UPF2: variants seen among roughly 807,000 people sequenced by gnomAD.
UPF2 encodes UPF2 regulator of nonsense mediated mRNA decay, also known as regulator of nonsense transcripts 2.
Under a neutral mutation model 141.4 loss-of-function variants are expected in UPF2, and 17 were observed. That is an observed-to-expected ratio of 0.12 (90% confidence interval 0.08 to 0.18). The LOEUF is 0.18. Among genes scored for constraint, UPF2 ranks in the 10% least tolerant of loss-of-function variants. The pLI, the probability that UPF2 is intolerant of heterozygous loss-of-function variation, is 1.00. For missense variants in UPF2, 1,152 were observed against 1,515.9 expected (o/e 0.76, Z 3.99); for synonymous variants, 540 against 498.0 (o/e 1.08, Z -1.12).
intron 2 of UPF2, among the ~76,000 whole-genome samples, chr10:12,033,280 A>T (rs1459264404): frequency 6.6e-6 from 1 of 152,126 alleles, no homozygotes; most frequent in Non-Finnish European, 1.5e-5. Context: ...TCATGCCTGT[A>T]ATCTCAACAC....
In UPF2 at chr10:11,999,889, C is replaced by T; in HGVS notation, c.1758+17G>A. On this transcript the variant is annotated intron_variant, in intron 7 of 21. Transcript: ENST00000357604. Reference sequence around the variant, plus strand: ...AGGTCCATGTGCTTGAATAAAGTTACACAGAGATACCAATACCTTGTCTAT... The same window carrying T: ...AGGTCCATGTGCTTGAATAAAGTTATACAGAGATACCAATACCTTGTCTAT... 1 of 1,604,462 alleles carries T rather than the reference C, an allele frequency of 6.2e-7. No individual in the cohort carries two copies. The highest frequency in any genetic ancestry group is 2.2e-5 in the East Asian group (1 of 44,794).
At chr10:12,002,829 T>C (rs1263402287) in intron 5 of UPF2, among the ~76,000 whole-genome samples, 1 of 152,222 alleles carries the variant, frequency 6.6e-6, no homozygotes, top group Non-Finnish European at 1.5e-5. Context: ...AGCCTTCTTT[T>C]GTGTTTTCGC....
At chr10:11,965,924 GA>G (rs1289322481) in intron 10 of UPF2, among the ~76,000 whole-genome samples, 4 of 151,906 alleles carry the variant, frequency 2.6e-5, no homozygotes, top group African/African-American at 9.7e-5. Flanking sequence ...ATTTGTTATA[GA>G]AAAAAACAAC....
Position 11,936,819 on chromosome 10 carries a change from T to C in UPF2, c.3379-107A>G. 9.2e-7 allele frequency: 1 copy of C among 1,085,942 alleles called. No individual in the cohort carries two copies. Among genetic ancestry groups the C allele is most frequent in the Non-Finnish European group, 1.3e-6 (1 of 794,110 alleles). 67.3% of individuals were successfully genotyped at this position (1,085,942 alleles called of 1,614,324 possible). Reference sequence around the variant, plus strand: ...TGCTGTATTTCTTAAAACACAACAATCATAAGAGCCATAACAGTCAACAAT... The same window carrying C: ...TGCTGTATTTCTTAAAACACAACAACCATAAGAGCCATAACAGTCAACAAT... On this transcript the variant is annotated intron_variant, in intron 18 of 21. Transcript: ENST00000357604. The surrounding 1 kb of genome is among the most constrained non-coding windows in gnomAD (Gnocchi z 6.6).
At chr10:11,995,197 A>C (rs1937981782) in intron 8 of UPF2, among the ~76,000 whole-genome samples, 1 of 152,138 alleles carries the variant, frequency 6.6e-6, no homozygotes, top group Non-Finnish European at 1.5e-5. Context: ...TTTCCAGTGG[A>C]AAAATAAAGG....
chr10:12,022,069 G>C (rs1834327566), intron 3 of UPF2, among the ~76,000 whole-genome samples: 1 of 152,002 alleles, frequency 6.6e-6, no homozygotes, highest in Admixed American at 6.6e-5. Context: ...GAACCTAGGA[G>C]GTGGAAGTTG....
intron 4 of UPF2, among the ~76,000 whole-genome samples, chr10:12,009,211 A>C (rs1372800924): frequency 6.6e-6 from 1 of 152,204 alleles, no homozygotes; most frequent in African/African-American, 2.4e-5. Flanking sequence ...GTATCCTGTA[A>C]ATACTAGCAT....
In UPF2 at chr10:11,998,339, A is replaced by G. The variant is rs1833897523; in HGVS notation, c.1759-582T>C. Among the ~76,000 whole-genome samples the G allele has an allele frequency of 6.6e-6, 1 of 152,106 alleles. No individual in the cohort carries two copies. Among genetic ancestry groups the G allele is most frequent in the South Asian group, 2.1e-4 (1 of 4,828 alleles). On this transcript the variant is annotated intron_variant, in intron 7 of 21. Coordinates refer to ENST00000357604, the MANE Select transcript of UPF2 (RefSeq NM_015542.4). This position sits in a 1 kb window ranked among gnomAD's most constrained non-coding sequence, Gnocchi z 4.5. The stretch of plus-strand genomic sequence containing the variant: ...CTCAACTGTCTTCAATCCCCTGTCT[A>G]AAATTTCATAAAACAGGGAATTTAT...
Position 11,980,221 on chromosome 10 carries a change from A to G in UPF2, c.1845-1056T>C, listed in dbSNP as rs940401882. Among the ~76,000 whole-genome samples, 34 of 152,316 alleles carry G rather than the reference A, an allele frequency of 2.2e-4. No homozygotes were observed. The highest frequency in any genetic ancestry group is 7.5e-4 in the African/African-American group (31 of 41,580). On this transcript the variant is annotated intron_variant, in intron 8 of 21. Transcript: ENST00000357604. This position sits in a 1 kb window ranked among gnomAD's most constrained non-coding sequence, Gnocchi z 4.2. Reference sequence around the variant, plus strand: ...CTAAAATTTATTTTCCATTCCTGCCATAGATGTTATTTTGTAAAACCTGAT... The same window carrying G: ...CTAAAATTTATTTTCCATTCCTGCCGTAGATGTTATTTTGTAAAACCTGAT...
chr10:11,996,517 G>A (rs1039605104), intron 8 of UPF2, among the ~76,000 whole-genome samples: 2 of 151,992 alleles, frequency 1.3e-5, no homozygotes, highest in Admixed American at 6.6e-5. Context: ...AGCTAATTTT[G>A]TATTTTAGTA....
rs1197937530 is a variant in UPF2, at chr10:11,943,301, T to C, written c.3175-133A>G. 100 of 783,312 alleles carry C rather than the reference T, an allele frequency of 1.3e-4. 1 individual carries two copies. The South Asian group carries it at 1.8e-3, about 14-fold the overall frequency. 48.5% of individuals were successfully genotyped at this position (783,312 alleles called of 1,614,324 possible). A position where few individuals can be genotyped will look rare whatever the true frequency, so the allele number is the denominator to read the frequency against. ...AGTTTTAGCTCTTTAGGTAGTTGGT[T>C]TCCAATGGGAGGGCAAAGTCAGCTA... is the stretch of plus-strand genomic sequence containing the variant. On this transcript the variant is annotated intron_variant, in intron 16 of 21. Transcript: ENST00000357604.
rs1323190966 is a variant in UPF2, at chr10:11,943,052, A to G, written c.3279+12T>C. The G allele has an allele frequency of 6.3e-7, 1 of 1,578,658 alleles. No individual in the cohort carries two copies. The highest frequency in any genetic ancestry group is 1.8e-5 in the Admixed American group (1 of 56,822). On this transcript the variant is annotated intron_variant, in intron 17 of 21. Transcript: ENST00000357604. ...CACAATTTCAAAAAGTAAATTTTTC[A>G]GCCATACGTACAGTATTCTCTTCAT...
Position 11,961,898 on chromosome 10 carries a change from CTT to C in UPF2, c.2184+2109_2184+2110del, listed in dbSNP as rs1032908414. On this transcript the variant is annotated intron_variant, in intron 11 of 21. Transcript: ENST00000357604. ...TATACCAAGTTTCATAACTGTTTCT[CTT>C]GTCTCCTAGGATTTCTATAGTACAC... 2.6e-5 allele frequency among the ~76,000 whole-genome samples: 4 copies of C among 152,266 alleles called. No individual in the cohort carries two copies. The South Asian group carries it at 6.2e-4, about 24-fold the overall frequency.
At chr10:11,930,078 T>C (rs985491349) in intron 20 of UPF2, 93 bp from the exon 21 acceptor site, 49 of 1,562,954 alleles carry the variant, frequency 3.1e-5, no homozygotes, top group Non-Finnish European at 3.8e-5. Flanking sequence ...ATTAAGTTTA[T>C]TAGTCCTGTC....
At chr10:12,042,886 C>T (rs1436607985), upstream of UPF2, 1 of 152,116 alleles carries the variant, frequency 6.6e-6, no homozygotes, top group Non-Finnish European at 1.5e-5. The surrounding 1 kb of genome is among the most constrained non-coding windows in gnomAD (Gnocchi z 5.5). Flanking sequence ...CCTCCCTCCG[C>T]CCGCCAGCCC....
At chr10:11,926,526 C>T (rs772376109) in intron 21 of UPF2, among the ~76,000 whole-genome samples, 2 of 152,104 alleles carry the variant, frequency 1.3e-5, no homozygotes, top group African/African-American at 2.4e-5. Flanking sequence ...ACAGTGATCG[C>T]GGGAAGGGAA....
intron 3 of UPF2, among the ~76,000 whole-genome samples, chr10:12,021,997 G>A (rs1304153318): frequency 2.0e-5 from 3 of 151,548 alleles, no homozygotes; most frequent in African/African-American, 7.3e-5. Flanking sequence ...AAAATTAGTC[G>A]AGTGTGGTGG....
intron 8 of UPF2, among the ~76,000 whole-genome samples, chr10:11,983,468 G>A (rs1485499811): frequency 1.3e-5 from 2 of 152,118 alleles, no homozygotes; most frequent in African/African-American, 4.8e-5. Flanking sequence ...CGCCTCCTGG[G>A]TTCACGCCAT....
At position 12,000,008 on chromosome 10, in the gene UPF2, T is replaced by C. The variant is rs1325601780; in HGVS notation, c.1656A>G (p.Glu552=). The change falls in exon 7 of 22, where the codon GAA becomes GAG. Residue 552 remains glutamate (E), a splice_region_variant and synonymous_variant. Transcript: ENST00000357604. ...DLTKKLLDEQ[E]QEDEEASTGS... ...CAGTGCTGGCTTCCTCATCTTCTTG[T>C]TCTAATGTAAAATTAGTTTTTAAAT... 5.6e-6 allele frequency: 9 copies of C among 1,594,650 alleles called. No individual in the cohort carries two copies. Among genetic ancestry groups the C allele is most frequent in the Non-Finnish European group, 7.7e-6 (9 of 1,174,372 alleles).
Sources: allele counts gnomAD v4.1 joint callset (sites outside exome capture counted in the v4.1 genomes callset), GRCh38; gene constraint gnomAD v4.1.1; non-coding constraint Gnocchi (gnomAD v3.1); transcripts MANE v1.5; gene names NCBI Gene and HGNC (gene_info 2026-07-23, HGNC 2026-07-21).